The following LDAH variants were observed in gnomAD, a reference collection of about 807,000 sequenced individuals.
LDAH encodes lipid droplet-associated hydrolase.
In LDAH, 26 loss-of-function variants were observed where a neutral mutation model predicts 29.6. The observed-to-expected ratio is 0.88, with a 90% CI of 0.64 to 1.22. LDAH has a LOEUF of 1.22. Ranked by LOEUF, LDAH falls within the 50% of genes most tolerant of loss-of-function variation. LDAH has a pLI of 0.00. For missense variants in LDAH, 344 were observed against 387.3 expected, an observed-to-expected ratio of 0.89 and a Z score of 0.94; for synonymous variants, 117 against 133.0, an observed-to-expected ratio of 0.88 and a Z score of 0.83.
rs141223491 is a variant in LDAH, at chr2:20,797,906, T to C, written c.154+3404A>G. On this transcript the variant is annotated intron_variant, in intron 2 of 6. Transcript: ENST00000237822. ...AGGGCCCACCAAAACCCAAGTACCT[T>C]GTATGAAAAAACAGTCACACCAAGG... 1.5e-4 allele frequency among the ~76,000 whole-genome samples: 23 copies of C among 152,286 alleles called. No homozygotes were observed. In the East Asian group the frequency reaches 4.4e-3, roughly 29 times the overall value.
At chr2:20,774,696 T>A in intron 4 of LDAH, 114 bp downstream of exon 4, 2 of 1,028,624 alleles carry the variant, frequency 1.9e-6, no homozygotes, top group Non-Finnish European at 2.9e-6. Flanking sequence ...CAAATATCCC[T>A]CTCTCTGTTC....
At chr2:20,790,430 C>A in intron 2 of LDAH, 32 bp from the exon 3 acceptor site, 1 of 1,597,046 alleles carries the variant, frequency 6.3e-7, no homozygotes, top group South Asian at 1.1e-5. Flanking sequence ...TTAGATTAAT[C>A]AAAGTAATAA....
intron 5 of LDAH, among the ~76,000 whole-genome samples, chr2:20,708,942 T>C (rs1664503416): frequency 1.3e-5 from 2 of 152,188 alleles, no homozygotes; most frequent in South Asian, 2.1e-4. Flanking sequence ...AGCCATAATA[T>C]ATAAAGAACT....
intron 4 of LDAH, among the ~76,000 whole-genome samples, chr2:20,751,954 T>C (rs922226735): frequency 2.6e-5 from 4 of 152,150 alleles, no homozygotes; most frequent in Admixed American, 1.3e-4. Flanking sequence ...GCAGTGGCAA[T>C]GATAACAGCT....
At chr2:20,756,492 A>C (rs2124931277) in intron 4 of LDAH, among the ~76,000 whole-genome samples, 1 of 152,334 alleles carries the variant, frequency 6.6e-6, no homozygotes, top group Admixed American at 6.5e-5. Flanking sequence ...ACTCTAAAAA[A>C]TGTTTTCCTG....
intron 5 of LDAH, among the ~76,000 whole-genome samples, chr2:20,728,243 G>A (rs554238054): frequency 1.8e-4 from 28 of 152,136 alleles, no homozygotes; most frequent in Non-Finnish European, 2.4e-4. Context: ...ACACTGCAAA[G>A]CCTCCTAAAA....
intron 2 of LDAH, among the ~76,000 whole-genome samples, chr2:20,796,965 G>T (rs903617194): frequency 3.3e-5 from 5 of 151,986 alleles, no homozygotes; most frequent in Non-Finnish European, 4.4e-5. Flanking sequence ...CTTCTTTCTA[G>T]CCTTAGAAGG....
intron 3 of LDAH, among the ~76,000 whole-genome samples, chr2:20,784,870 G>C (rs1412379779): frequency 6.6e-6 from 1 of 152,088 alleles, no homozygotes; most frequent in East Asian, 1.9e-4. Context: ...CTGGGCGAGA[G>C]AGTGAGACCC....
chr2:20,803,229 C>T (rs1671842006), intron 1 of LDAH, among the ~76,000 whole-genome samples: 1 of 152,166 alleles, frequency 6.6e-6, no homozygotes, highest in Non-Finnish European at 1.5e-5. Context: ...AACAACACTG[C>T]TGTAGTACTA....
At chr2:20,727,206 G>GT (rs1666080537) in intron 5 of LDAH, among the ~76,000 whole-genome samples, 2 of 152,040 alleles carry the variant, frequency 1.3e-5, no homozygotes, top group South Asian at 4.1e-4. Flanking sequence ...GCAAGACCCT[G>GT]TCTCTAATAT....
chr2:20,757,766 G>T (rs1483926680), intron 4 of LDAH, among the ~76,000 whole-genome samples: 1 of 152,042 alleles, frequency 6.6e-6, no homozygotes, highest in African/African-American at 2.4e-5. Context: ...AATTCCTTCT[G>T]CCTGACCACC....
intron 6 of LDAH, among the ~76,000 whole-genome samples, chr2:20,688,828 C>CTTTTTTTTTT (rs57543886): frequency 4.5e-5 from 5 of 112,006 alleles, no homozygotes; most frequent in South Asian, 3.2e-4. Context: ...TGGAGGTTTC[C>CTTTTTTTTTT]TTTTTTTTTT....
intron 5 of LDAH, among the ~76,000 whole-genome samples, chr2:20,702,057 CT>C (rs111316440): frequency 2.1e-3 from 302 of 141,542 alleles, no homozygotes; most frequent in Middle Eastern, 7.4e-3. Flanking sequence ...AATATACTGG[CT>C]TTTTTTTTTT....
At chr2:20,748,793 G>C (rs1348081801) in intron 4 of LDAH, among the ~76,000 whole-genome samples, 1 of 152,110 alleles carries the variant, frequency 6.6e-6, no homozygotes, top group Non-Finnish European at 1.5e-5. Flanking sequence ...CCTTTCTCAT[G>C]GTTCCTAGAG....
At chr2:20,734,029 T>G (rs1323187008) in intron 5 of LDAH, among the ~76,000 whole-genome samples, 1 of 152,172 alleles carries the variant, frequency 6.6e-6, no homozygotes, top group Non-Finnish European at 1.5e-5. Context: ...CATGTTGATA[T>G]CAATTCTGTT....
At chr2:20,711,824 C>T (rs545446892) in intron 5 of LDAH, among the ~76,000 whole-genome samples, 66 of 152,306 alleles carry the variant, frequency 4.3e-4, no homozygotes, top group African/African-American at 1.2e-3. Context: ...GGCAGCAGCC[C>T]GGCAGGGGGA....
chr2:20,729,806 T>C (rs1210666889), intron 5 of LDAH, among the ~76,000 whole-genome samples: 2 of 152,178 alleles, frequency 1.3e-5, no homozygotes, highest in African/African-American at 2.4e-5. Context: ...ATGTATGTAT[T>C]TTTTAAAGAG....
At chr2:20,719,801 AG>A (rs1665513826) in intron 5 of LDAH, among the ~76,000 whole-genome samples, 1 of 152,148 alleles carries the variant, frequency 6.6e-6, no homozygotes, top group Non-Finnish European at 1.5e-5. Flanking sequence ...CAGGGAGGCA[AG>A]GATGGTTCAG....
chr2:20,805,059 T>A (rs1037311319), intron 1 of LDAH, among the ~76,000 whole-genome samples: 1 of 152,174 alleles, frequency 6.6e-6, no homozygotes, highest in African/African-American at 2.4e-5. Context: ...CTGGCCAAAC[T>A]GAATACCTTC....
Sources: gnomAD v4.1 joint callset for allele counts (sites outside exome capture counted in the v4.1 genomes callset) on GRCh38, gnomAD v4.1.1 for gene constraint, MANE v1.5 for transcripts, NCBI Gene and HGNC (gene_info 2026-07-23, HGNC 2026-07-21) for gene names.